Variants in RSPH14 observed in about 807,000 individuals in gnomAD.
RSPH14 encodes rhabdoid tumor deletion region gene 1.
In RSPH14, 20 loss-of-function variants were observed where a neutral mutation model predicts 26.7. The observed-to-expected ratio is 0.75, with a 90% CI of 0.53 to 1.09. RSPH14 has a LOEUF of 1.09. Ranked by LOEUF, RSPH14 falls within the 50% of genes least tolerant of loss-of-function variation. The probability of loss-of-function intolerance (pLI) is 0.00; values close to 1 mark genes in which losing one functional copy is unlikely to be tolerated. For synonymous variants in RSPH14, 177 were observed against 189.3 expected (o/e 0.93, Z 0.53); for missense variants, 449 against 457.2 (o/e 0.98, Z 0.16).
the RSPH14 span, chr22:23,161,498 A>G: frequency 6.2e-7 from 1 of 1,608,684 alleles, no homozygotes. Flanking sequence ...CCCTCCTTAC[A>G]GAAATGGAAG....
chr22:23,155,525 G>GA, the RSPH14 span, among the ~76,000 whole-genome samples: 2 of 152,192 alleles, frequency 1.3e-5, no homozygotes, highest in East Asian at 1.9e-4. Context: ...GTGAAGCAAT[G>GA]ACCCAGTCAC....
chr22:23,145,516 G>A (rs1382758604), upstream of RSPH14: 1 of 1,604,902 alleles, frequency 6.2e-7, no homozygotes, highest in Non-Finnish European at 8.5e-7. Context: ...AGGCGGACCA[G>A]GCCGCGCGGA....
intron 4 of RSPH14, among the ~76,000 whole-genome samples, chr22:23,117,275 T>A (rs1200144683): frequency 6.6e-6 from 1 of 152,090 alleles, no homozygotes; most frequent in African/African-American, 2.4e-5. Context: ...GCCGACACGG[T>A]ATGTTTTAAG....
chr22:23,123,031 G>C (rs1430222669), intron 4 of RSPH14: 1 of 1,185,938 alleles, frequency 8.4e-7, no homozygotes, highest in Non-Finnish European at 1.2e-6. Context: ...TGCAGGTCTA[G>C]GGTCTGTCTC....
At chr22:23,111,579 C>T (rs1318207082) in intron 4 of RSPH14, among the ~76,000 whole-genome samples, 1 of 152,240 alleles carries the variant, frequency 6.6e-6, no homozygotes, top group Non-Finnish European at 1.5e-5. Flanking sequence ...CCCAAGGTCA[C>T]TTTAGTAGAA....
At chr22:23,072,762 T>C (rs1421837257) in intron 4 of RSPH14, among the ~76,000 whole-genome samples, 1 of 152,204 alleles carries the variant, frequency 6.6e-6, no homozygotes, top group Non-Finnish European at 1.5e-5. Context: ...ACACAGGGAA[T>C]GGATTCTTCC....
the RSPH14 span, chr22:23,158,950 T>C: frequency 6.2e-7 from 1 of 1,614,170 alleles, no homozygotes. Context: ...CTGCTTCATC[T>C]TCCTCGTGGG....
At chr22:23,124,454 G>A (rs1167608213) in intron 4 of RSPH14, 2 of 465,450 alleles carry the variant, frequency 4.3e-6, no homozygotes, top group African/African-American at 2.0e-5. Flanking sequence ...GACACGTGTT[G>A]TACATAAGCC....
At chr22:23,134,548 C>CAAAAAAAAAAAAAA (rs59412175) in intron 3 of RSPH14, among the ~76,000 whole-genome samples, 1 of 86,148 alleles carries the variant, frequency 1.2e-5, no homozygotes. Context: ...AACTCCCAAC[C>CAAAAAAAAAAAAAA]AAAAAAAAAA....
In RSPH14 at chr22:23,136,927, C is replaced by A. The variant is rs1184418869; in HGVS notation, c.302+1913G>T. Among the ~76,000 whole-genome samples the A allele has an allele frequency of 4.3e-5, 6 of 138,802 alleles. 2 individuals are homozygous for A. The highest frequency in any genetic ancestry group is 1.5e-4 in the African/African-American group (6 of 38,986). The allele number at this position is 138,802 out of a possible 152,430, so 91.1% of individuals were successfully genotyped here. A position where few individuals can be genotyped will look rare whatever the true frequency, so the allele number is the denominator to read the frequency against. ...TAGGATTGTTGCCCAGATCACAGAG[C>A]AGGAAAGAGTGGGCCCCCCAAAAGG... On this transcript the variant is annotated intron_variant, in intron 3 of 6. Coordinates refer to ENST00000216036, the MANE Select transcript of RSPH14 (RefSeq NM_014433.3).
rs144080781 is a variant in RSPH14, at chr22:23,094,180, G to T, written c.422-30047C>A. ...ATGCTGCCTGTGGCAGGATGGGGAGGCTGCGTGGGTCTCCGGACAGGGACA... is the reference window on the plus strand; with the variant it reads ...ATGCTGCCTGTGGCAGGATGGGGAGTCTGCGTGGGTCTCCGGACAGGGACA... On this transcript the variant is annotated intron_variant, in intron 4 of 6. Transcript: ENST00000216036. Among the ~76,000 whole-genome samples, 570 of 152,256 alleles carry T rather than the reference G, an allele frequency of 3.7e-3. 12 individuals are homozygous for T. Among genetic ancestry groups the T allele is most frequent in the African/African-American group, 0.013 (535 of 41,542 alleles).
chr22:23,121,686 G>A (rs960398979), intron 4 of RSPH14, among the ~76,000 whole-genome samples: 3 of 151,508 alleles, frequency 2.0e-5, no homozygotes, highest in Non-Finnish European at 2.9e-5. Flanking sequence ...GCATTACCAC[G>A]GTCACTGGTG....
the RSPH14 span, among the ~76,000 whole-genome samples, chr22:23,164,678 A>G: frequency 6.6e-6 from 1 of 152,160 alleles, no homozygotes; most frequent in Non-Finnish European, 1.5e-5. Flanking sequence ...GGCAATGACC[A>G]CAGTGACCGC....
intron 4 of RSPH14, among the ~76,000 whole-genome samples, chr22:23,075,744 C>G (rs2068491750): frequency 6.6e-6 from 1 of 152,218 alleles, no homozygotes; most frequent in African/African-American, 2.4e-5. Context: ...TCAGCCAGGC[C>G]TCTCATGGCC....
chr22:23,168,338 G>A, the RSPH14 span, among the ~76,000 whole-genome samples: 5 of 152,176 alleles, frequency 3.3e-5, no homozygotes, highest in Admixed American at 6.5e-5. Context: ...GGAGGGGACT[G>A]CAGAGAGACA....
upstream of RSPH14, chr22:23,149,991 C>T (rs1984243186): frequency 4.1e-6 from 5 of 1,231,106 alleles, no homozygotes; most frequent in Non-Finnish European, 4.7e-6. Context: ...ATCATCTCCC[C>T]TCACTGCTTG....
At chr22:23,108,095 G>A (rs371077199) in intron 4 of RSPH14, among the ~76,000 whole-genome samples, 1 of 152,222 alleles carries the variant, frequency 6.6e-6, no homozygotes, top group East Asian at 1.9e-4. Context: ...GCCAGGAGCA[G>A]GTGCATCTGT....
upstream of RSPH14, chr22:23,145,993 C>T: frequency 1.0e-6 from 1 of 985,426 alleles, no homozygotes; most frequent in Non-Finnish European, 1.2e-6. Context: ...ACTCTACTTC[C>T]ACTGCCTGAG....
chr22:23,093,138 TGTTCTGCCCACTGTGTGCTGGA>T (rs1183225750), intron 4 of RSPH14, among the ~76,000 whole-genome samples: 1 of 152,244 alleles, frequency 6.6e-6, no homozygotes, highest in Admixed American at 6.5e-5. Flanking sequence ...TTTAAGCAGA[TGTTCTGCCCACTGTGTGCTGGA>T]GTGGGAGGGT....
Sources: allele counts gnomAD v4.1 joint callset (sites outside exome capture counted in the v4.1 genomes callset), GRCh38; gene constraint gnomAD v4.1.1; transcripts MANE v1.5; gene names NCBI Gene and HGNC (gene_info 2026-07-23, HGNC 2026-07-21).